The following FER variants were observed in gnomAD, a reference collection of about 807,000 sequenced individuals.
FER encodes tyrosine-protein kinase Fer.
In FER, 63 loss-of-function variants were observed where a neutral mutation model predicts 111.0. That is an observed-to-expected ratio of 0.57 (90% CI 0.46 to 0.70). The LOEUF (loss-of-function observed/expected upper bound fraction) is 0.70, where lower values mean the gene tolerates loss of function less well. Among genes scored for constraint, FER ranks in the 30% least tolerant of loss-of-function variants. The pLI is 0.00. For synonymous variants in FER, 327 were observed against 313.9 expected (o/e 1.04, Z -0.44); for missense variants, 914 against 954.0 (o/e 0.96, Z 0.55).
At chr5:108,786,715 T>G (rs753722162) in intron 2 of FER, among the ~76,000 whole-genome samples, 1 of 152,270 alleles carries the variant, frequency 6.6e-6, no homozygotes, top group Non-Finnish European at 1.5e-5. Flanking sequence ...TTAGCCAGAA[T>G]GGTCTCGATC....
chr5:108,996,939 G>A (rs1052908237), intron 13 of FER, among the ~76,000 whole-genome samples: 20 of 151,972 alleles, frequency 1.3e-4, no homozygotes, highest in African/African-American at 4.4e-4. Flanking sequence ...TTACTTCCTT[G>A]TACAGTGGTT....
chr5:108,822,563 G>C (rs1446843436), intron 3 of FER, among the ~76,000 whole-genome samples: 1 of 152,086 alleles, frequency 6.6e-6, no homozygotes. Context: ...ATTGCTACAA[G>C]AGCTAATCTA....
chr5:109,048,150 T>TTAA (rs1772265099), intron 16 of FER, among the ~76,000 whole-genome samples: 1 of 152,120 alleles, frequency 6.6e-6, no homozygotes, highest in East Asian at 1.9e-4. Context: ...AACATAATAT[T>TTAA]GTAGACTGCT....
chr5:109,174,784 G>A (rs1008422944), intron 17 of FER, among the ~76,000 whole-genome samples: 6 of 152,142 alleles, frequency 3.9e-5, no homozygotes, highest in African/African-American at 1.2e-4. Context: ...ATAGCCATTG[G>A]CCATGGGTTA....
chr5:108,914,392 A>G (rs1751979937), intron 10 of FER, among the ~76,000 whole-genome samples: 1 of 152,128 alleles, frequency 6.6e-6, no homozygotes. Flanking sequence ...CATTATTATT[A>G]CGTTTCTTCT....
chr5:108,927,861 A>G (rs914955274), intron 10 of FER, among the ~76,000 whole-genome samples: 1 of 152,196 alleles, frequency 6.6e-6, no homozygotes, highest in African/African-American at 2.4e-5. Context: ...TGATAAGCAA[A>G]TTTAAGTCAA....
intron 5 of FER, chr5:108,841,745 G>C (rs1157007450): frequency 3.3e-6 from 1 of 304,560 alleles, no homozygotes; most frequent in Non-Finnish European, 6.3e-6. Context: ...CATCAGGTGA[G>C]AGTGAGAGCC....
At chr5:109,052,463 C>T in intron 16 of FER, 1 of 1,107,008 alleles carries the variant, frequency 9.0e-7, no homozygotes, top group Non-Finnish European at 1.4e-6. Flanking sequence ...CGCATGTTGC[C>T]TGGGCACCAC....
chr5:109,168,170 C>T (rs764441121), intron 17 of FER, among the ~76,000 whole-genome samples: 5 of 152,040 alleles, frequency 3.3e-5, no homozygotes, highest in African/African-American at 7.2e-5. Flanking sequence ...AGTAATGTCC[C>T]GGTATCTTTT....
intron 17 of FER, among the ~76,000 whole-genome samples, chr5:109,163,014 A>T (rs938104875): frequency 6.6e-6 from 1 of 152,038 alleles, no homozygotes; most frequent in South Asian, 2.1e-4. Flanking sequence ...TCCTTTTCCT[A>T]TCTCTGGCCC....
In FER at chr5:109,047,202, A is replaced by T. The variant is rs551375509; in HGVS notation, c.1924+4A>T. The T allele has an allele frequency of 1.3e-6, 2 of 1,552,326 alleles. No homozygotes were observed. Among genetic ancestry groups the T allele is most frequent in the Admixed American group, 3.6e-5 (2 of 55,926 alleles). On this transcript the variant is annotated splice_donor_region_variant and intron_variant, in intron 16 of 19. Coordinates refer to ENST00000281092, the MANE Select transcript of FER (RefSeq NM_005246.4). ...ATCATTATGGAACTGGTTTCAGGTA[A>T]TGTGATCTGAGAATTTTTGCATGAT... is the stretch of plus-strand genomic sequence containing the variant.
At chr5:108,753,354 T>G (rs1750710969) in intron 1 of FER, among the ~76,000 whole-genome samples, 3 of 152,310 alleles carry the variant, frequency 2.0e-5, no homozygotes, top group Admixed American at 2.0e-4. Flanking sequence ...GTTAGAAATA[T>G]CTCAGATTAG....
At chr5:108,968,368 C>T (rs1253447416) in intron 13 of FER, among the ~76,000 whole-genome samples, 1 of 151,976 alleles carries the variant, frequency 6.6e-6, no homozygotes, top group African/African-American at 2.4e-5. Flanking sequence ...GCCTGGGCCA[C>T]AGAGAGAGGA....
intron 16 of FER, among the ~76,000 whole-genome samples, chr5:109,090,252 A>C (rs79953659): frequency 6.6e-6 from 1 of 152,128 alleles, no homozygotes; most frequent in South Asian, 2.1e-4. Context: ...GACAACTGCA[A>C]ACTTCTCTAG....
intron 2 of FER, among the ~76,000 whole-genome samples, chr5:108,786,523 C>T (rs761943224): frequency 6.6e-5 from 10 of 152,046 alleles, no homozygotes; most frequent in African/African-American, 2.4e-5. Context: ...TTTTTTGAGA[C>T]GGAGTCTTGC....
chr5:108,954,239 G>A (rs1314064453), intron 11 of FER, among the ~76,000 whole-genome samples: 2 of 152,062 alleles, frequency 1.3e-5, no homozygotes, highest in Admixed American at 6.6e-5. Flanking sequence ...GAAAGGCACA[G>A]CAGCAAGGCA....
chr5:109,002,354 G>C (rs377338051), intron 13 of FER, among the ~76,000 whole-genome samples: 170 of 151,348 alleles, frequency 1.1e-3, no homozygotes, highest in African/African-American at 2.2e-3. Context: ...ACAAACCTGA[G>C]AAAAACAAGC....
At chr5:108,968,563 G>A (rs1760205736) in intron 13 of FER, among the ~76,000 whole-genome samples, 1 of 151,968 alleles carries the variant, frequency 6.6e-6, no homozygotes, top group Non-Finnish European at 1.5e-5. Context: ...AGAGCCTTAA[G>A]TACTTGTATT....
intron 3 of FER, among the ~76,000 whole-genome samples, chr5:108,822,278 G>A (rs1014272720): frequency 2.0e-5 from 3 of 151,956 alleles, no homozygotes; most frequent in Non-Finnish European, 4.4e-5. Flanking sequence ...ATTTGTTGAG[G>A]GTTGTTCCTA....
Sources: allele counts gnomAD v4.1 joint callset (sites outside exome capture counted in the v4.1 genomes callset), GRCh38; gene constraint gnomAD v4.1.1; transcripts MANE v1.5; gene names NCBI Gene and HGNC (gene_info 2026-07-23, HGNC 2026-07-21).